NBAS: variants seen among roughly 807,000 people sequenced by gnomAD.
The protein encoded by NBAS is NBAS subunit of NRZ tethering complex.
In NBAS, 219 loss-of-function variants were observed where a neutral mutation model predicts 302.5. The observed-to-expected ratio is 0.72, with a 90% CI of 0.65 to 0.81. The LOEUF (loss-of-function observed/expected upper bound fraction) is 0.81, where lower values mean the gene tolerates loss of function less well. Among genes scored for constraint, NBAS ranks in the 30% least tolerant of loss-of-function variants. The probability of loss-of-function intolerance (pLI) is 0.00; values close to 1 mark genes in which losing one functional copy is unlikely to be tolerated. For missense variants in NBAS, 2,932 were observed against 2,841.6 expected (o/e 1.03, Z -0.72); for synonymous variants, 1,118 against 1,021.6 (o/e 1.09, Z -1.80).
the NBAS span, among the ~76,000 whole-genome samples, chr2:15,034,278 GAGAA>G: frequency 4.7e-5 from 6 of 127,392 alleles, no homozygotes; most frequent in African/African-American, 1.7e-4. Context: ...GAAAGAAAGA[GAGAA>G]AGAAAGAAAG....
At chr2:14,872,831 T>C in the NBAS span, among the ~76,000 whole-genome samples, 1 of 152,002 alleles carries the variant, frequency 6.6e-6, no homozygotes. Context: ...CTGCAGACCT[T>C]CGTGGTGAGC....
At chr2:15,043,238 T>G in the NBAS span, among the ~76,000 whole-genome samples, 1 of 152,146 alleles carries the variant, frequency 6.6e-6, no homozygotes, top group African/African-American at 2.4e-5. Context: ...TCACACAGCC[T>G]GTGGGCACCA....
At chr2:15,181,871 G>A (rs188760931) in intron 50 of NBAS, among the ~76,000 whole-genome samples, 12 of 152,294 alleles carry the variant, frequency 7.9e-5, no homozygotes, top group Admixed American at 5.2e-4. Context: ...AGGAACTAGG[G>A]GCACAAGGTA....
chr2:15,109,986 C>T, the NBAS span, among the ~76,000 whole-genome samples: 5 of 152,092 alleles, frequency 3.3e-5, no homozygotes, highest in South Asian at 2.1e-4. Context: ...ATATTAATCT[C>T]TTATCCCCTC....
At chr2:15,249,010 C>CA (rs1232404963) in intron 44 of NBAS, among the ~76,000 whole-genome samples, 1 of 151,592 alleles carries the variant, frequency 6.6e-6, no homozygotes, top group African/African-American at 2.4e-5. Flanking sequence ...ACAACAACAA[C>CA]AAAAAGAAAA....
At chr2:15,353,845 T>C (rs1673487546) in intron 33 of NBAS, 135 bp from the exon 34 acceptor site, 1 of 1,073,354 alleles carries the variant, frequency 9.3e-7, no homozygotes, top group Non-Finnish European at 1.4e-6. Flanking sequence ...CACATTATTT[T>C]ATAAGCAGAA....
the NBAS span, among the ~76,000 whole-genome samples, chr2:14,808,290 T>C: frequency 2.6e-5 from 4 of 152,314 alleles, no homozygotes; most frequent in Admixed American, 6.5e-5. Flanking sequence ...ACTTCATTGC[T>C]ATATCCACTA....
chr2:15,334,464 A>G (rs937762496), intron 35 of NBAS, among the ~76,000 whole-genome samples: 4 of 152,142 alleles, frequency 2.6e-5, no homozygotes, highest in African/African-American at 9.7e-5. Context: ...CTGGGATTAC[A>G]GGTGTCAGCC....
At chr2:15,329,840 C>G (rs1240137005) in intron 36 of NBAS, among the ~76,000 whole-genome samples, 1 of 152,160 alleles carries the variant, frequency 6.6e-6, no homozygotes, top group Non-Finnish European at 1.5e-5. Context: ...TCAGAACTTC[C>G]CTCCTCAGTA....
At chr2:15,233,940 T>C (rs1337227908) in intron 46 of NBAS, among the ~76,000 whole-genome samples, 1 of 152,206 alleles carries the variant, frequency 6.6e-6, no homozygotes, top group Non-Finnish European at 1.5e-5. Context: ...AGAAAGTCCT[T>C]GATGCCTCAT....
At chr2:15,232,192 TG>T (rs1667408394) in intron 47 of NBAS, among the ~76,000 whole-genome samples, 2 of 152,136 alleles carry the variant, frequency 1.3e-5, no homozygotes, top group South Asian at 4.1e-4. Context: ...TTATTTCTAA[TG>T]GCTTTCAAGG....
In NBAS at chr2:15,374,337, T is replaced by C. The variant is rs10202600; in HGVS notation, c.3703+271A>G. ...CCCCAATATCTTTTTTTGTTTTTACTCTATACCCTCACTGCTCTGTTACCG... is the reference window on the plus strand; with the variant it reads ...CCCCAATATCTTTTTTTGTTTTTACCCTATACCCTCACTGCTCTGTTACCG... On this transcript the variant is annotated intron_variant, in intron 31 of 51. Transcript: ENST00000281513. Among the ~76,000 whole-genome samples, 94,742 of 151,784 alleles carry C rather than the reference T, an allele frequency of 0.62. 30,308 individuals carry two copies. The highest frequency in any genetic ancestry group is 0.68 in the Middle Eastern group (199 of 292).
intron 9 of NBAS, among the ~76,000 whole-genome samples, chr2:15,523,728 A>T (rs755466339): frequency 1.7e-4 from 26 of 152,314 alleles, no homozygotes; most frequent in Non-Finnish European, 2.4e-4. Flanking sequence ...AGCCTGGCCA[A>T]CTTGGTGAAC....
At chr2:15,494,150 T>C (rs1680977547) in intron 11 of NBAS, among the ~76,000 whole-genome samples, 1 of 152,204 alleles carries the variant, frequency 6.6e-6, no homozygotes, top group Non-Finnish European at 1.5e-5. Context: ...TTAAAGTAAG[T>C]CTTAAATTTC....
At chr2:15,557,380 C>A (rs989968868) in intron 2 of NBAS, among the ~76,000 whole-genome samples, 2 of 152,078 alleles carry the variant, frequency 1.3e-5, no homozygotes, top group Admixed American at 6.6e-5. Context: ...ATAACAGATT[C>A]TCTCTAGGTG....
the NBAS span, among the ~76,000 whole-genome samples, chr2:14,792,570 G>C: frequency 6.6e-6 from 1 of 151,960 alleles, no homozygotes; most frequent in Non-Finnish European, 1.5e-5. Flanking sequence ...TCTGCATCAT[G>C]GTAGGAAGGA....
the NBAS span, among the ~76,000 whole-genome samples, chr2:14,939,767 T>C: frequency 6.6e-6 from 1 of 152,250 alleles, no homozygotes; most frequent in Non-Finnish European, 1.5e-5. Flanking sequence ...ATTCCATTGT[T>C]TGAGGATATA....
At chr2:14,917,814 T>C in the NBAS span, among the ~76,000 whole-genome samples, 1 of 152,188 alleles carries the variant, frequency 6.6e-6, no homozygotes, top group African/African-American at 2.4e-5. Context: ...AAAATGTACA[T>C]ACTTAGGGAG....
At chr2:15,260,795 T>C (rs1668813361) in intron 44 of NBAS, among the ~76,000 whole-genome samples, 1 of 144,410 alleles carries the variant, frequency 6.9e-6, no homozygotes, top group Non-Finnish European at 1.5e-5. Flanking sequence ...CAATATTATG[T>C]ATCAAAAGTC....
Sources: gnomAD v4.1 joint callset for allele counts (sites outside exome capture counted in the v4.1 genomes callset) on GRCh38, gnomAD v4.1.1 for gene constraint, MANE v1.5 for transcripts, NCBI Gene and HGNC (gene_info 2026-07-23, HGNC 2026-07-21) for gene names.